The following DTWD2 variants were observed in gnomAD, a reference collection of about 807,000 sequenced individuals.
DTWD2 encodes the protein DTW motif tRNA-uridine aminocarboxypropyltransferase 2, also known as tRNA-uridine aminocarboxypropyltransferase 2.
A neutral mutation model predicts 31.8 loss-of-function variants in DTWD2; 39 were observed. The ratio of observed to expected loss-of-function variants is 1.22; its 90% CI spans 0.95 to 1.60. DTWD2 has a LOEUF of 1.60. Among genes scored for constraint, DTWD2 ranks in the 40% most tolerant of loss-of-function variants. The probability of loss-of-function intolerance (pLI) is 0.00; values close to 1 mark genes in which losing one functional copy is unlikely to be tolerated. For missense variants in DTWD2, 515 were observed against 381.5 expected (o/e 1.35, Z -2.92); for synonymous variants, 180 against 142.8 (o/e 1.26, Z -1.86).
At chr5:118,918,471 G>C (rs1033402135) in intron 4 of DTWD2, among the ~76,000 whole-genome samples, 1 of 126,016 alleles carries the variant, frequency 7.9e-6, no homozygotes, top group African/African-American at 3.3e-5. Flanking sequence ...TCCGTCTCAA[G>C]AGAAAAAAAA....
At position 118,841,032 on chromosome 5, in the gene DTWD2, T is replaced by C; in HGVS notation, c.782A>G (p.Gln261Arg). 5 of 1,613,632 alleles carry C rather than the reference T, an allele frequency of 3.1e-6. No homozygotes were observed. The highest frequency in any genetic ancestry group is 4.2e-6 in the Non-Finnish European group (5 of 1,179,740). ...AAGGTGTTCCTTGCTGAGGCGAATT[T>C]GGGCACCATGCTGAAGTTGAAAGGA... The part of the protein sequence containing the change: ...LCSFQLQHGA[Q>R]IRLSKEHLLK... Residue 261 changes from glutamine (Q) to arginine (R), a missense_variant, in exon 6 of 6, where the codon CAA (glutamine) becomes CGA (arginine). Gln to Arg is a conservative substitution (Grantham distance 43). Transcript: ENST00000510708.
intron 3 of DTWD2, among the ~76,000 whole-genome samples, chr5:118,931,398 TA>T (rs535859715): frequency 0.04 from 4,342 of 109,748 alleles, 183 homozygotes; most frequent in African/African-American, 0.12. Context: ...GACCTTGTCT[TA>T]AAAAAAAAAA....
At chr5:118,879,096 A>G (rs1321013607) in intron 4 of DTWD2, among the ~76,000 whole-genome samples, 1 of 152,202 alleles carries the variant, frequency 6.6e-6, no homozygotes, top group Non-Finnish European at 1.5e-5. Flanking sequence ...TCAAAGACCT[A>G]AAGTCAGAAA....
intron 4 of DTWD2, among the ~76,000 whole-genome samples, chr5:118,883,556 A>C (rs1752790659): frequency 6.6e-6 from 1 of 152,200 alleles, no homozygotes; most frequent in Non-Finnish European, 1.5e-5. Context: ...TAATTGACTC[A>C]CAGTTCCCCG....
At chr5:118,865,640 G>A (rs762223096) in intron 4 of DTWD2, among the ~76,000 whole-genome samples, 3 of 152,138 alleles carry the variant, frequency 2.0e-5, no homozygotes, top group Admixed American at 6.5e-5. Flanking sequence ...GATGAATAGC[G>A]ACTATATCTC....
intron 4 of DTWD2, among the ~76,000 whole-genome samples, chr5:118,856,367 C>A (rs1409412298): frequency 6.6e-6 from 1 of 152,012 alleles, no homozygotes; most frequent in Admixed American, 6.5e-5. Context: ...TTACAGTATC[C>A]CTGTCTGTGA....
At chr5:118,905,995 A>G (rs186418356) in intron 4 of DTWD2, among the ~76,000 whole-genome samples, 1 of 152,264 alleles carries the variant, frequency 6.6e-6, no homozygotes, top group East Asian at 1.9e-4. Flanking sequence ...TATGTAAACA[A>G]CTCTCAGGCT....
Position 118,899,895 on chromosome 5 carries a change from G to A in DTWD2, c.597+28642C>T, listed in dbSNP as rs188750993. 2.3e-3 allele frequency among the ~76,000 whole-genome samples: 350 copies of A among 149,190 alleles called. 1 individual carries two copies. Among genetic ancestry groups the A allele is most frequent in the African/African-American group, 7.2e-3 (294 of 40,644 alleles). ...CGGCTCACTGCAACCTCCGCCTCTC[G>A]GGTTCAAGCGATTCTCCTGCTTCAG... On this transcript the variant is annotated intron_variant, in intron 4 of 5. Coordinates refer to ENST00000510708, the MANE Select transcript of DTWD2 (RefSeq NM_173666.4).
At chr5:118,948,806 A>T (rs1342699600) in intron 1 of DTWD2, among the ~76,000 whole-genome samples, 1 of 152,100 alleles carries the variant, frequency 6.6e-6, no homozygotes, top group African/African-American at 2.4e-5. Flanking sequence ...GAAAGGAAAG[A>T]GGAGTGGGGA....
intron 4 of DTWD2, among the ~76,000 whole-genome samples, chr5:118,913,432 T>TAC (rs56346643): frequency 0.21 from 28,627 of 137,522 alleles, 3,204 homozygotes; most frequent in East Asian, 0.5. Flanking sequence ...TATATATATA[T>TAC]ACACACACAC....
chr5:118,873,634 C>G (rs1477667748), intron 4 of DTWD2, among the ~76,000 whole-genome samples: 1 of 152,194 alleles, frequency 6.6e-6, no homozygotes, highest in Admixed American at 6.5e-5. Flanking sequence ...GCCCATCGCC[C>G]CTGCCAATCC....
chr5:118,986,208 A>C (rs1755423490), intron 1 of DTWD2, among the ~76,000 whole-genome samples: 1 of 152,138 alleles, frequency 6.6e-6, no homozygotes, highest in South Asian at 2.1e-4. Context: ...AAAAAAAATT[A>C]TATACGTTTG....
intron 1 of DTWD2, among the ~76,000 whole-genome samples, chr5:118,964,042 T>C (rs1754767981): frequency 1.3e-5 from 2 of 151,984 alleles, no homozygotes; most frequent in South Asian, 4.2e-4. Context: ...AAACCTCATC[T>C]CTATTAAAAA....
intron 5 of DTWD2, among the ~76,000 whole-genome samples, chr5:118,843,190 C>T (rs993185254): frequency 1.3e-5 from 2 of 151,586 alleles, no homozygotes; most frequent in East Asian, 1.9e-4. Context: ...CTCCTGACCT[C>T]GTGATCCACC....
intron 4 of DTWD2, among the ~76,000 whole-genome samples, chr5:118,914,119 C>T (rs1753521923): frequency 6.6e-6 from 1 of 152,050 alleles, no homozygotes; most frequent in South Asian, 2.1e-4. Flanking sequence ...GTGGTTTCGC[C>T]TTACTCTGGT....
intron 4 of DTWD2, among the ~76,000 whole-genome samples, chr5:118,895,112 A>C (rs1753056658): frequency 6.6e-6 from 1 of 152,194 alleles, no homozygotes; most frequent in South Asian, 2.1e-4. Flanking sequence ...TATTTAAAAA[A>C]AATCTAAAGA....
Position 118,838,293 on chromosome 5 carries a change from A to G in DTWD2, c.*2624T>C, listed in dbSNP as rs921784640. On this transcript the variant is annotated 3_prime_UTR_variant, in exon 6 of 6. Coordinates refer to ENST00000510708, the MANE Select transcript of DTWD2 (RefSeq NM_173666.4). ...ACTATTCTCTGAGTTACACGGTTCA[A>G]ATAACTCACAAAACGATCTACACAA... 41 of 139,548 alleles carry G rather than the reference A, an allele frequency of 2.9e-4. No individual in the cohort carries two copies. The highest frequency in any genetic ancestry group is 1.0e-3 in the African/African-American group (40 of 39,634). 8.6% of individuals were successfully genotyped at this position (139,548 alleles called of 1,614,324 possible).
chr5:118,921,520 T>C (rs1753703627), intron 4 of DTWD2, among the ~76,000 whole-genome samples: 1 of 142,052 alleles, frequency 7.0e-6, no homozygotes, highest in Non-Finnish European at 1.6e-5. Flanking sequence ...ACCCCATCTC[T>C]TAAAAAAAAA....
chr5:118,836,924 T>C lies in DTWD2; in HGVS notation c.*3993A>G, dbSNP rs752532874. 4.6e-5 allele frequency among the ~76,000 whole-genome samples: 7 copies of C among 152,212 alleles called. No homozygotes were observed. The highest frequency in any genetic ancestry group is 8.8e-5 in the Non-Finnish European group (6 of 68,024). On this transcript the variant is annotated 3_prime_UTR_variant, in exon 6 of 6. Coordinates refer to ENST00000510708, the MANE Select transcript of DTWD2 (RefSeq NM_173666.4). ...TGGTATTCTGAGAGAGCAGCCAGAA[T>C]GGACTAAGACAGGAGTCAAGTGATC...
Sources: gnomAD v4.1 joint callset for allele counts (sites outside exome capture counted in the v4.1 genomes callset) on GRCh38, gnomAD v4.1.1 for gene constraint, MANE v1.5 for transcripts, NCBI Gene and HGNC (gene_info 2026-07-23, HGNC 2026-07-21) for gene names.